NHSL2: variants seen among roughly 807,000 people sequenced by gnomAD.
NHSL2 encodes NHS like 2, also known as NHS-like protein 2.
Under a neutral mutation model 53.4 loss-of-function variants are expected in NHSL2, and 27 were observed. The ratio of observed to expected loss-of-function variants is 0.51; its 90% CI spans 0.37 to 0.70. The LOEUF is 0.70. NHSL2 is among the 30% of genes least tolerant of loss of function. NHSL2 has a pLI of 0.00. For synonymous variants in NHSL2, 408 were observed against 404.1 expected, an observed-to-expected ratio of 1.01 and a Z score of -0.12; for missense variants, 892 against 980.1, an observed-to-expected ratio of 0.91 and a Z score of 1.20.
At chrX:72,052,913 G>C (rs913732978) in intron 1 of NHSL2, among the ~76,000 whole-genome samples, 2 of 111,793 alleles carry the variant, frequency 1.8e-5, no homozygotes, top group African/African-American at 6.5e-5. Flanking sequence ...TATGTTAACG[G>C]TGCAGCTGTG....
At chrX:71,995,651 C>T (rs1475102170) in intron 1 of NHSL2, among the ~76,000 whole-genome samples, 1 of 112,166 alleles carries the variant, frequency 8.9e-6, no homozygotes, top group Non-Finnish European at 1.9e-5. Flanking sequence ...CTCAATGAAG[C>T]TTTCATTGAC....
At chrX:72,044,734 CT>C (rs2042295918) in intron 1 of NHSL2, 1 of 1,001,537 alleles carries the variant, frequency 1.0e-6, no homozygotes, top group Admixed American at 2.2e-5. Context: ...TGCCTATGTG[CT>C]TCCCAAGCTG....
At chrX:72,052,371 G>GC (rs2042345655) in intron 1 of NHSL2, among the ~76,000 whole-genome samples, 1 of 112,646 alleles carries the variant, frequency 8.9e-6, no homozygotes. Flanking sequence ...TGCTTGCATG[G>GC]CAGGTCGGGC....
In NHSL2 at chrX:72,149,591, C is replaced by T. The variant is rs968027885; in HGVS notation, c.*6017C>T. ...ATTCCTTCCCCCATGTGTATCATGG[C>T]GAAGAAATATCAATATATGTATGTG... On this transcript the variant is annotated 3_prime_UTR_variant, in exon 8 of 8. Coordinates refer to ENST00000633930, the MANE Select transcript of NHSL2 (RefSeq NM_001013627.3). 3 of 112,094 alleles carry T rather than the reference C, an allele frequency of 2.7e-5. No homozygotes were observed. The highest frequency in any genetic ancestry group is 9.5e-5 in the Admixed American group (1 of 10,564). The allele number at this position is 112,094 out of a possible 1,213,427, so 9.2% of individuals were successfully genotyped here.
chrX:72,101,331 G>A (rs1449830145), intron 1 of NHSL2, among the ~76,000 whole-genome samples: 1 of 110,683 alleles, frequency 9.0e-6, no homozygotes, highest in Non-Finnish European at 1.9e-5. Context: ...TCGGCAGAAT[G>A]GGAGGAGGCA....
chrX:71,980,792 G>A (rs137916052), intron 1 of NHSL2, among the ~76,000 whole-genome samples: 1,169 of 111,311 alleles, frequency 0.011, 9 homozygotes, highest in Non-Finnish European at 0.017. Context: ...ACTTTGATCA[G>A]CTATAAAAGG....
intron 1 of NHSL2, among the ~76,000 whole-genome samples, chrX:71,927,436 G>A (rs1037879381): frequency 2.7e-5 from 3 of 112,643 alleles, no homozygotes; most frequent in Non-Finnish European, 5.6e-5. Flanking sequence ...GACAGAAGAC[G>A]GATAATAAGG....
chrX:71,995,312 G>A (rs1369442724), intron 1 of NHSL2, among the ~76,000 whole-genome samples: 1 of 111,891 alleles, frequency 8.9e-6, no homozygotes, highest in African/African-American at 3.3e-5. Flanking sequence ...CACAACAGCC[G>A]GTGTGATTCA....
At chrX:72,069,014 A>AC (rs961994000) in intron 1 of NHSL2, among the ~76,000 whole-genome samples, 7 of 112,703 alleles carry the variant, frequency 6.2e-5, no homozygotes, top group Non-Finnish European at 1.3e-4. Flanking sequence ...GGCAGCTGTC[A>AC]CTTACAGAAC....
intron 1 of NHSL2, among the ~76,000 whole-genome samples, chrX:71,963,981 A>ATATATATGTGTATATATATGTATG (rs1569467037): frequency 6.2e-5 from 4 of 64,413 alleles, no homozygotes; most frequent in African/African-American, 2.9e-4. Flanking sequence ...ATACATATAT[A>ATATATATGTGTATATATATGTATG]TATATATATA....
chrX:71,953,389 CTATTT>C (rs1193107150), intron 1 of NHSL2, among the ~76,000 whole-genome samples: 1 of 112,050 alleles, frequency 8.9e-6, no homozygotes, highest in Non-Finnish European at 1.9e-5. Flanking sequence ...TAGTTTCCTT[CTATTT>C]AAGTCATGTG....
At position 72,015,994 on chromosome X, in the gene NHSL2, A is replaced by G. The variant is rs188563554; in HGVS notation, c.280+104627A>G. 1.2e-3 allele frequency among the ~76,000 whole-genome samples: 130 copies of G among 110,252 alleles called. 2 individuals are homozygous for G. In the South Asian group the frequency reaches 0.016, roughly 13 times the overall value. On this transcript the variant is annotated intron_variant, in intron 1 of 7. Transcript: ENST00000633930. ...AAAATTATTCTTTTGTGTAGATTCA[A>G]ATTTGTCAACCACTCCCTCCTGGCT... is the stretch of plus-strand genomic sequence containing the variant.
chrX:72,134,241 T>C, intron 3 of NHSL2, 23 bp downstream of exon 3: 1 of 1,158,939 alleles, frequency 8.6e-7, no homozygotes, highest in Non-Finnish European at 1.2e-6. Context: ...ATCCCCCACC[T>C]GGGAGAGCCA....
chrX:72,113,651 A>G (rs1230912191), intron 1 of NHSL2, among the ~76,000 whole-genome samples: 1 of 112,163 alleles, frequency 8.9e-6, no homozygotes, highest in East Asian at 2.8e-4. Flanking sequence ...AGGTGCGCCT[A>G]CCATACACCT....
intron 2 of NHSL2, among the ~76,000 whole-genome samples, chrX:72,132,516 C>G (rs1433195324): frequency 9.1e-6 from 1 of 109,299 alleles, no homozygotes; most frequent in Non-Finnish European, 1.9e-5. Flanking sequence ...TGCCATTCAC[C>G]GAGAGCTGGG....
Position 71,920,993 on chromosome X carries a change from C to T in NHSL2, c.280+9626C>T, listed in dbSNP as rs781351340. ...CTAATTTTTGTATTTTTAGTAGAGA[C>T]GGGGTTTCGCCATGTTGGTCAGGCT... On this transcript the variant is annotated intron_variant, in intron 1 of 7. Coordinates refer to ENST00000633930, the MANE Select transcript of NHSL2 (RefSeq NM_001013627.3). 9.2e-5 allele frequency among the ~76,000 whole-genome samples: 10 copies of T among 108,657 alleles called. 1 individual carries two copies. The South Asian group carries it at 1.7e-3, about 18-fold the overall frequency. The allele number at this position is 108,657 out of a possible 115,157, so 94.4% of individuals were successfully genotyped here.
chrX:71,929,927 G>A (rs1472632185), intron 1 of NHSL2, among the ~76,000 whole-genome samples: 1 of 110,252 alleles, frequency 9.1e-6, no homozygotes, highest in East Asian at 2.8e-4. Flanking sequence ...ACTAATTTAT[G>A]TATTTTTTGT....
At chrX:71,915,792 G>A (rs1237658005) in intron 1 of NHSL2, among the ~76,000 whole-genome samples, 1 of 111,397 alleles carries the variant, frequency 9.0e-6, no homozygotes, top group Non-Finnish European at 1.9e-5. Flanking sequence ...GTGATGCTAA[G>A]TTCAAAGTCA....
At chrX:71,981,420 C>A (rs932314315) in intron 1 of NHSL2, among the ~76,000 whole-genome samples, 58 of 109,382 alleles carry the variant, frequency 5.3e-4, no homozygotes, top group African/African-American at 1.9e-3. Flanking sequence ...TTGGCACACA[C>A]CTGTAGTCCC....
Sources: allele counts gnomAD v4.1 joint callset (sites outside exome capture counted in the v4.1 genomes callset), GRCh38; gene constraint gnomAD v4.1.1; transcripts MANE v1.5; gene names NCBI Gene and HGNC (gene_info 2026-07-23, HGNC 2026-07-21).